The following MCMBP variants were observed in gnomAD, a reference collection of about 807,000 sequenced individuals.
MCMBP encodes the protein mini-chromosome maintenance complex-binding protein.
A neutral mutation model predicts 81.3 loss-of-function variants in MCMBP; 31 were observed. That is an observed-to-expected ratio of 0.38 (90% confidence interval 0.29 to 0.51). The LOEUF (loss-of-function observed/expected upper bound fraction) is 0.51, where lower values mean the gene tolerates loss of function less well. Ranked by LOEUF, MCMBP falls within the 20% of genes least tolerant of loss-of-function variation. The pLI is 0.87. For missense variants in MCMBP, 645 were observed against 772.1 expected, an observed-to-expected ratio of 0.84 and a Z score of 1.95; for synonymous variants, 267 against 275.9, an observed-to-expected ratio of 0.97 and a Z score of 0.32.
At chr10:119,835,824 G>A (rs1852220742) in intron 13 of MCMBP, 120 bp from the exon 14 acceptor site, 1 of 1,059,894 alleles carries the variant, frequency 9.4e-7, no homozygotes, top group South Asian at 1.5e-5. Context: ...TTATTATTTA[G>A]GGGGAGGGAA....
At chr10:119,840,043 T>C (rs969453932) in intron 11 of MCMBP, among the ~76,000 whole-genome samples, 2 of 152,212 alleles carry the variant, frequency 1.3e-5, no homozygotes, top group African/African-American at 4.8e-5. Context: ...GGAAAAGTTG[T>C]TTTTATAAAA....
At chr10:119,857,758 A>G (rs533498934) in intron 4 of MCMBP, 8 of 170,484 alleles carry the variant, frequency 4.7e-5, no homozygotes, top group Non-Finnish European at 1.0e-4. Context: ...TTATATTCTT[A>G]GAGTCTAACT....
At chr10:119,864,649 AT>A (rs1470543169) in intron 1 of MCMBP, among the ~76,000 whole-genome samples, 1 of 135,958 alleles carries the variant, frequency 7.4e-6, no homozygotes, top group Non-Finnish European at 1.6e-5. Flanking sequence ...TATTTCATGG[AT>A]TTTTGTTCTC....
intron 1 of MCMBP, among the ~76,000 whole-genome samples, chr10:119,866,358 G>A (rs536795266): frequency 2.0e-5 from 3 of 152,178 alleles, no homozygotes; most frequent in African/African-American, 7.2e-5. Context: ...GGGCGTGGTG[G>A]CTCATGCCTG....
chr10:119,863,296 A>G (rs1232317480), intron 1 of MCMBP, among the ~76,000 whole-genome samples: 1 of 152,220 alleles, frequency 6.6e-6, no homozygotes, highest in Non-Finnish European at 1.5e-5. Context: ...ACTCAGATGT[A>G]TGATCCATTT....
At chr10:119,837,876 T>TA (rs910586400) in intron 12 of MCMBP, among the ~76,000 whole-genome samples, 1 of 152,116 alleles carries the variant, frequency 6.6e-6, no homozygotes, top group African/African-American at 2.4e-5. Context: ...TTCAGCTTTT[T>TA]AAAAAGCTAT....
chr10:119,856,145 C>T (rs1365784906), intron 5 of MCMBP, among the ~76,000 whole-genome samples: 1 of 105,196 alleles, frequency 9.5e-6, no homozygotes, highest in East Asian at 2.3e-4. Context: ...TCACTTGAAC[C>T]CAGGAGATGG....
intron 1 of MCMBP, among the ~76,000 whole-genome samples, chr10:119,867,354 C>T (rs1853506300): frequency 6.8e-6 from 1 of 146,044 alleles, no homozygotes; most frequent in African/African-American, 2.5e-5. Flanking sequence ...CACGTACTTT[C>T]ACTCAGTTCA....
intron 4 of MCMBP, chr10:119,857,783 A>G (rs1853104674): frequency 6.3e-6 from 1 of 159,732 alleles, no homozygotes; most frequent in African/African-American, 2.4e-5. Context: ...GCTTATCCAA[A>G]CCTTAGGAAA....
intron 14 of MCMBP, among the ~76,000 whole-genome samples, chr10:119,832,737 G>A (rs776197361): frequency 1.3e-5 from 2 of 152,100 alleles, no homozygotes; most frequent in African/African-American, 4.8e-5. Context: ...TAACCTGACT[G>A]GAAGCCTGTC....
At chr10:119,864,017 AC>A (rs202169876) in intron 1 of MCMBP, among the ~76,000 whole-genome samples, 5,968 of 151,270 alleles carry the variant, frequency 0.039, 168 homozygotes, top group Non-Finnish European at 0.059. Flanking sequence ...AAAAAAAAAA[AC>A]AATCTGGGTG....
In MCMBP at chr10:119,855,356, A is replaced by C. The variant is rs183011215; in HGVS notation, c.429+1982T>G. ...AAAATAAGAAAAATTTGAAATCAAT[A>C]ATCTGAGCATCTACTTTAAAAAGCT... On this transcript the variant is annotated intron_variant, in intron 5 of 15. Transcript: ENST00000369077. Among the ~76,000 whole-genome samples, 10 of 152,312 alleles carry C rather than the reference A, an allele frequency of 6.6e-5. No individual in the cohort carries two copies. The East Asian group carries it at 1.3e-3, about 21-fold the overall frequency.
intron 14 of MCMBP, 74 bp from the exon 15 acceptor site, chr10:119,832,174 A>T: frequency 1.5e-6 from 2 of 1,366,734 alleles, no homozygotes; most frequent in Non-Finnish European, 2.0e-6. Flanking sequence ...TCCTTGACTG[A>T]TGTAGTAAGG....
intron 1 of MCMBP, among the ~76,000 whole-genome samples, chr10:119,866,894 T>G (rs1222692213): frequency 2.8e-5 from 4 of 144,772 alleles, no homozygotes; most frequent in East Asian, 4.2e-4. Flanking sequence ...ACCTGGGAGG[T>G]AGAGGTTGCA....
chr10:119,848,263 G>A (rs528473015), intron 7 of MCMBP, among the ~76,000 whole-genome samples: 31 of 152,146 alleles, frequency 2.0e-4, no homozygotes, highest in African/African-American at 7.2e-4. Flanking sequence ...CAAGGCAGGG[G>A]AAAAAATGGT....
chr10:119,833,492 GAA>G, intron 14 of MCMBP, among the ~76,000 whole-genome samples: 1 of 149,274 alleles, frequency 6.7e-6, no homozygotes, highest in Non-Finnish European at 1.5e-5. Flanking sequence ...AAAAAAGAAA[GAA>G]AAAAAAAGAA....
chr10:119,830,978 C>CA lies in MCMBP; in HGVS notation c.*495dup, dbSNP rs1852011830. The CA allele has an allele frequency of 6.6e-6, 1 of 152,294 alleles. No individual in the cohort carries two copies. Among genetic ancestry groups the CA allele is most frequent in the African/African-American group, 2.4e-5 (1 of 41,444 alleles). 9.4% of individuals were successfully genotyped at this position (152,294 alleles called of 1,614,324 possible). On this transcript the variant is annotated 3_prime_UTR_variant, in exon 16 of 16. Transcript: ENST00000369077. ...ATGACAGTACAGAATTTCATGTAGT[C>CA]ATGTGAATCAATGGCAAGTACGCCT...
intron 5 of MCMBP, among the ~76,000 whole-genome samples, chr10:119,856,888 C>T (rs1207347623): frequency 6.6e-6 from 1 of 151,894 alleles, no homozygotes; most frequent in East Asian, 1.9e-4. Context: ...ATCACTTGAG[C>T]CCAGGAGTTC....
chr10:119,838,774 A>C, intron 11 of MCMBP, 74 bp from the exon 12 acceptor site: 1 of 1,337,100 alleles, frequency 7.5e-7, no homozygotes, highest in Non-Finnish European at 1.0e-6. Context: ...TTGGAATTAA[A>C]CATTGTGTTT....
Sources: gnomAD v4.1 joint callset for allele counts (sites outside exome capture counted in the v4.1 genomes callset) on GRCh38, gnomAD v4.1.1 for gene constraint, MANE v1.5 for transcripts, NCBI Gene and HGNC (gene_info 2026-07-23, HGNC 2026-07-21) for gene names.